The following DCAKD variants were observed in gnomAD, a reference collection of about 807,000 sequenced individuals.
DCAKD encodes dephospho-CoA kinase domain-containing protein.
DCAKD carries 15 observed loss-of-function variants against 18.7 expected under a neutral mutation model. The observed-to-expected ratio is 0.80, with a 90% CI of 0.54 to 1.24. DCAKD has a LOEUF of 1.24. DCAKD is among the 50% of genes most tolerant of loss of function. The pLI, the probability that DCAKD is intolerant of heterozygous loss-of-function variation, is 0.00. For missense variants in DCAKD, 301 were observed against 322.0 expected, an observed-to-expected ratio of 0.93 and a Z score of 0.50; for synonymous variants, 130 against 133.0, an observed-to-expected ratio of 0.98 and a Z score of 0.16.
rs2053693853 is a variant in DCAKD, at chr17:45,051,453, G to A, written c.-207C>T. ...CCCCACTAGGCCGCGAAATTGGGTC[G>A]CCCGGGGCGGTGGCAGCCCCGCGTA... is the stretch of plus-strand genomic sequence containing the variant. On this transcript the variant is annotated 5_prime_UTR_variant, in exon 1 of 5. Coordinates refer to ENST00000651974, the MANE Select transcript of DCAKD (RefSeq NM_001288655.2). The A allele has an allele frequency of 6.6e-6, 1 of 152,006 alleles. No homozygotes were observed. 9.4% of individuals were successfully genotyped at this position (152,006 alleles called of 1,614,324 possible).
intron 1 of DCAKD, among the ~76,000 whole-genome samples, chr17:45,038,732 C>T (rs779296394): frequency 5.3e-5 from 8 of 152,270 alleles, no homozygotes; most frequent in African/African-American, 1.9e-4. Flanking sequence ...GTGCCTTGAC[C>T]GAGTGTCTGT....
upstream of DCAKD, among the ~76,000 whole-genome samples, chr17:45,053,233 TTG>T (rs1424039855): frequency 8.0e-6 from 1 of 125,730 alleles, no homozygotes; most frequent in Non-Finnish European, 1.7e-5. Flanking sequence ...TAGCAGGAAG[TTG>T]TTTTTGTTTT....
intron 1 of DCAKD, among the ~76,000 whole-genome samples, chr17:45,056,734 C>T (rs1178472145): frequency 6.6e-6 from 1 of 152,148 alleles, no homozygotes; most frequent in East Asian, 1.9e-4. Context: ...CTTGGCCTCC[C>T]AAAGTGCTGG....
At chr17:45,055,245 T>G (rs59138429), upstream of DCAKD, among the ~76,000 whole-genome samples, 16,938 of 152,310 alleles carry the variant, frequency 0.11, 1,004 homozygotes, top group Middle Eastern at 0.18. Flanking sequence ...CTCTGTGTCC[T>G]TAGCATTTAG....
At chr17:45,053,169 T>TAAA (rs760029893), upstream of DCAKD, among the ~76,000 whole-genome samples, 437 of 75,688 alleles carry the variant, frequency 5.8e-3, 24 homozygotes, top group East Asian at 0.022. Flanking sequence ...TGTCTCCAGT[T>TAAA]AAAAAAAAAA....
chr17:45,033,489 G>A (rs2053216618), intron 3 of DCAKD, among the ~76,000 whole-genome samples: 1 of 152,132 alleles, frequency 6.6e-6, no homozygotes, highest in Admixed American at 6.5e-5. Context: ...TTGAGACGGA[G>A]TCTTGCTCTG....
chr17:45,034,695 A>G, intron 2 of DCAKD, 79 bp downstream of exon 2: 3 of 1,434,684 alleles, frequency 2.1e-6, no homozygotes, highest in Non-Finnish European at 2.9e-6. Flanking sequence ...TGAGACTTAT[A>G]AAAAAAGGAG....
rs1254494516 is a variant in DCAKD, at chr17:45,024,496, T to G, written c.633A>C (p.Thr211=). ...EYLPLRFGVL[T]GLAAIASLLY... ...GGAGGCTGGCAATGGCAGCGAGCCC[T>G]GTGAGGACCCCAAACCTCAGCGGCA... Residue 211 remains threonine (T), a synonymous_variant, in exon 5 of 5, where the codon ACA becomes ACC. Coordinates refer to ENST00000651974, the MANE Select transcript of DCAKD (RefSeq NM_001288655.2). 6.2e-7 allele frequency: 1 copy of G among 1,613,898 alleles called. No homozygotes were observed.
intron 1 of DCAKD, among the ~76,000 whole-genome samples, chr17:45,035,660 C>T (rs2053280883): frequency 6.6e-6 from 1 of 152,130 alleles, no homozygotes; most frequent in African/African-American, 2.4e-5. Flanking sequence ...ACCCACAGCA[C>T]TCTTCAGATG....
upstream of DCAKD, among the ~76,000 whole-genome samples, chr17:45,053,294 A>G (rs1280515196): frequency 7.1e-6 from 1 of 141,834 alleles, no homozygotes; most frequent in Non-Finnish European, 1.5e-5. Flanking sequence ...GTTTCGCTCT[A>G]TTGCCCAGGC....
intron 1 of DCAKD, among the ~76,000 whole-genome samples, chr17:45,059,737 C>A (rs1199941570): frequency 1.3e-5 from 2 of 152,094 alleles, no homozygotes; most frequent in African/African-American, 2.4e-5. Context: ...GATTTGTATA[C>A]CGATTTGCCA....
intron 4 of DCAKD, among the ~76,000 whole-genome samples, chr17:45,028,779 A>C (rs773771823): frequency 4.4e-4 from 67 of 151,266 alleles, no homozygotes; most frequent in Middle Eastern, 3.2e-3. Context: ...ATCTCTGCTC[A>C]CTGCAACTTC....
chr17:45,029,057 G>A (rs895456312), intron 4 of DCAKD, among the ~76,000 whole-genome samples: 6 of 152,154 alleles, frequency 3.9e-5, no homozygotes, highest in African/African-American at 7.2e-5. Context: ...AGCTCCAATC[G>A]TGCTACTAAG....
rs1005561622 is a variant in DCAKD, at chr17:45,032,097, C to T, written c.317-1918G>A. The T allele has an allele frequency of 8.1e-6, 8 of 985,244 alleles. No individual in the cohort carries two copies. The African/African-American group carries it at 1.0e-4, about 13-fold the overall frequency. 61.0% of individuals were successfully genotyped at this position (985,244 alleles called of 1,614,324 possible). A position where few individuals can be genotyped will look rare whatever the true frequency, so the allele number is the denominator to read the frequency against. Reference sequence around the variant, plus strand: ...CAGAAGGGGAGAGCCACTGCCGCCTCGAAGCCCTGCAGATATACCAGTAAC... The same window carrying T: ...CAGAAGGGGAGAGCCACTGCCGCCTTGAAGCCCTGCAGATATACCAGTAAC... On this transcript the variant is annotated intron_variant, in intron 3 of 4. Transcript: ENST00000651974.
chr17:45,034,434 G>A lies in DCAKD; in HGVS notation c.113-44C>T, dbSNP rs565333243. ...GCTGGGTCACTCCCTGAAGCCTCAG[G>A]GCCAGTCAGAGGACCTCAGTGACCA... On this transcript the variant is annotated intron_variant, in intron 2 of 4. Coordinates refer to ENST00000651974, the MANE Select transcript of DCAKD (RefSeq NM_001288655.2). The A allele has an allele frequency of 1.6e-5, 25 of 1,607,280 alleles. No individual in the cohort carries two copies. The East Asian group carries it at 5.1e-4, about 33-fold the overall frequency.
At chr17:45,055,458 C>T (rs2143411840), upstream of DCAKD, among the ~76,000 whole-genome samples, 1 of 152,160 alleles carries the variant, frequency 6.6e-6, no homozygotes, top group African/African-American at 2.4e-5. Context: ...TCACTGTGAC[C>T]TCTGCCTCCC....
chr17:45,036,242 C>G (rs1202533812), intron 1 of DCAKD, among the ~76,000 whole-genome samples: 1 of 152,188 alleles, frequency 6.6e-6, no homozygotes, highest in Non-Finnish European at 1.5e-5. Flanking sequence ...CTTGGCTGGG[C>G]GTAGTGGCTC....
chr17:45,032,131 G>A (rs1310076841), intron 3 of DCAKD: 3 of 985,408 alleles, frequency 3.0e-6, no homozygotes. Context: ...ACTGGCATGG[G>A]AGAGAATGCA....
At position 45,031,127 on chromosome 17, in the gene DCAKD, G is replaced by A. The variant is rs2053163777; in HGVS notation, c.317-948C>T. On this transcript the variant is annotated intron_variant, in intron 3 of 4. Transcript: ENST00000651974. ...GCTGGGGCAGGAGACTGCACCCCTG[G>A]AGCATCCCACTCCAAACACTTCCAA... The A allele has an allele frequency of 4.1e-6, 4 of 985,244 alleles. No homozygotes were observed. The South Asian group carries it at 1.9e-4, about 46-fold the overall frequency. 61.0% of individuals were successfully genotyped at this position (985,244 alleles called of 1,614,324 possible). A position where few individuals can be genotyped will look rare whatever the true frequency, so the allele number is the denominator to read the frequency against.
Sources: allele counts gnomAD v4.1 joint callset (sites outside exome capture counted in the v4.1 genomes callset), GRCh38; gene constraint gnomAD v4.1.1; transcripts MANE v1.5; gene names NCBI Gene and HGNC (gene_info 2026-07-23, HGNC 2026-07-21).